RALY: variants seen among roughly 807,000 people sequenced by gnomAD.
The protein encoded by RALY is RNA-binding protein Raly.
Under a neutral mutation model 30.7 loss-of-function variants are expected in RALY, and 15 were observed. The ratio of observed to expected loss-of-function variants is 0.49; its 90% confidence interval spans 0.33 to 0.75. The LOEUF is 0.75. RALY is among the 30% of genes least tolerant of loss of function. The probability of loss-of-function intolerance (pLI) is 0.02; values close to 1 mark genes in which losing one functional copy is unlikely to be tolerated. For missense variants in RALY, 339 were observed against 414.3 expected (o/e 0.82, Z 1.58); for synonymous variants, 177 against 170.8 (o/e 1.04, Z -0.28).
chr20:34,010,305 T>C (rs1225497760), intron 1 of RALY, among the ~76,000 whole-genome samples: 2 of 152,206 alleles, frequency 1.3e-5, no homozygotes, highest in Non-Finnish European at 2.9e-5. Context: ...CTCAGCTCAC[T>C]GCACCCTCTA....
intron 2 of RALY, among the ~76,000 whole-genome samples, chr20:34,055,562 A>C (rs539049243): frequency 1.3e-5 from 2 of 152,186 alleles, no homozygotes; most frequent in Non-Finnish European, 2.9e-5. Flanking sequence ...GGGGATGCCA[A>C]GATGAAATAG....
chr20:34,023,430 A>C (rs1039799353), intron 1 of RALY, among the ~76,000 whole-genome samples: 1 of 152,076 alleles, frequency 6.6e-6, no homozygotes, highest in African/African-American at 2.4e-5. Context: ...TCTATCTGCT[A>C]ATTGTTTCTA....
At position 34,037,693 on chromosome 20, in the gene RALY, T is replaced by C. The variant is rs4911400; in HGVS notation, c.-10+6089T>C. Among the ~76,000 whole-genome samples the C allele has an allele frequency of 6.9e-3, 1,049 of 152,250 alleles. 12 individuals carry two copies. The highest frequency in any genetic ancestry group is 0.057 in the East Asian group (297 of 5,180). On this transcript the variant is annotated intron_variant, in intron 2 of 9. Coordinates refer to ENST00000246194, the MANE Select transcript of RALY (RefSeq NM_016732.3). ...TTCAGATAAGTGCTATATAAAACCA[T>C]TGGATAGTGTACAAATGTACAAGAC...
At chr20:34,075,662 G>A (rs1568698342) in intron 5 of RALY, among the ~76,000 whole-genome samples, 1 of 152,126 alleles carries the variant, frequency 6.6e-6, no homozygotes, top group Non-Finnish European at 1.5e-5. Context: ...CTGGATGGTT[G>A]GAGAGGTTGT....
chr20:34,003,286 T>G (rs2031003584), intron 1 of RALY, among the ~76,000 whole-genome samples: 1 of 152,234 alleles, frequency 6.6e-6, no homozygotes, highest in African/African-American at 2.4e-5. Flanking sequence ...ACACTCCATA[T>G]CTTGCCTTCC....
In RALY at chr20:34,083,725, C is replaced by G. The variant is rs1037664703; in HGVS notation, c.*3820C>G. On this transcript the variant is annotated 3_prime_UTR_variant, in exon 10 of 10. Transcript: ENST00000246194. ...CGTGAGCGTCAGGTATTTGCCATCC[C>G]TGGCCAGGTTGACCCGTAAGGTCAT... The G allele has an allele frequency of 1.3e-5, 2 of 152,260 alleles. No homozygotes were observed. The highest frequency in any genetic ancestry group is 2.9e-5 in the Non-Finnish European group (2 of 68,062). 9.4% of individuals were successfully genotyped at this position (152,260 alleles called of 1,614,324 possible).
In RALY at chr20:34,076,833, C is replaced by A; in HGVS notation, c.658+18C>A. On this transcript the variant is annotated intron_variant, in intron 7 of 9. Coordinates refer to ENST00000246194, the MANE Select transcript of RALY (RefSeq NM_016732.3). ...CAATCCAGGTCAGCCTCTGAGGATT[C>A]TCACCCACCTCCATGACCAGGGCAC... is the stretch of plus-strand genomic sequence containing the variant. 6.2e-7 allele frequency: 1 copy of A among 1,611,654 alleles called. No individual in the cohort carries two copies. The highest frequency in any genetic ancestry group is 2.2e-5 in the East Asian group (1 of 44,764).
intron 2 of RALY, among the ~76,000 whole-genome samples, chr20:34,060,468 A>G (rs904845032): frequency 2.0e-5 from 3 of 152,246 alleles, no homozygotes; most frequent in Non-Finnish European, 4.4e-5. Context: ...TAGCAGCAGG[A>G]GCTAATATAT....
Position 34,072,123 on chromosome 20 carries a change from A to G in RALY, c.49A>G (p.Lys17Glu). The change falls in exon 3 of 10, where the codon AAG becomes GAG. Residue 17 changes from lysine (K) to glutamate (E), a missense_variant. Coordinates refer to ENST00000246194, the MANE Select transcript of RALY (RefSeq NM_016732.3). ...CAATGTAACCAACAAGAATGACCCC[A>G]AGTCCATCAACTCTCGAGTCTTCAT... The part of the protein sequence containing the change: ...ASNVTNKNDP[K>E]SINSRVFIGN... 1 of 1,614,246 alleles carries G rather than the reference A, an allele frequency of 6.2e-7. No homozygotes were observed. Among genetic ancestry groups the G allele is most frequent in the Non-Finnish European group, 8.5e-7 (1 of 1,180,040 alleles).
chr20:34,041,999 G>A (rs965142896), intron 2 of RALY, among the ~76,000 whole-genome samples: 4 of 152,158 alleles, frequency 2.6e-5, no homozygotes, highest in Non-Finnish European at 4.4e-5. Flanking sequence ...CAGCTATTCA[G>A]GAGGCTGAGA....
At chr20:34,060,258 G>A (rs1170990388) in intron 2 of RALY, among the ~76,000 whole-genome samples, 1 of 152,132 alleles carries the variant, frequency 6.6e-6, no homozygotes, top group African/African-American at 2.4e-5. Flanking sequence ...AATAATTGAG[G>A]TTGAGCATCC....
chr20:34,064,045 C>T (rs975726439), intron 2 of RALY, among the ~76,000 whole-genome samples: 1 of 151,884 alleles, frequency 6.6e-6, no homozygotes, highest in Non-Finnish European at 1.5e-5. Context: ...AATACCTGGC[C>T]CATAATTAGC....
chr20:34,042,609 G>A (rs185266370), intron 2 of RALY, among the ~76,000 whole-genome samples: 2 of 152,296 alleles, frequency 1.3e-5, no homozygotes, highest in Non-Finnish European at 2.9e-5. Flanking sequence ...CATGTGTCAG[G>A]TTTTGTTTAA....
At chr20:34,057,625 C>G (rs1227134805) in intron 2 of RALY, among the ~76,000 whole-genome samples, 1 of 147,960 alleles carries the variant, frequency 6.8e-6, no homozygotes, top group African/African-American at 2.5e-5. Context: ...CGAGATGGCG[C>G]CACTGCACTC....
intron 2 of RALY, among the ~76,000 whole-genome samples, chr20:34,068,741 G>A (rs1395478473): frequency 2.0e-5 from 3 of 152,196 alleles, no homozygotes; most frequent in African/African-American, 4.8e-5. Context: ...GAACCTGGCA[G>A]TTCAGGGAGA....
At chr20:34,001,500 T>A (rs1418553093) in intron 1 of RALY, among the ~76,000 whole-genome samples, 1 of 152,198 alleles carries the variant, frequency 6.6e-6, no homozygotes, top group Non-Finnish European at 1.5e-5. Context: ...AGCTTAATGT[T>A]ATTGGCCAGA....
At position 34,038,689 on chromosome 20, in the gene RALY, A is replaced by G. The variant is rs572149566; in HGVS notation, c.-10+7085A>G. On this transcript the variant is annotated intron_variant, in intron 2 of 9. Coordinates refer to ENST00000246194, the MANE Select transcript of RALY (RefSeq NM_016732.3). ...AAGATGAAGTAACTGCATCTTTCCC[A>G]CCATTGTGTGTATTCTTAATACCAA... Among the ~76,000 whole-genome samples, 3 of 152,298 alleles carry G rather than the reference A, an allele frequency of 2.0e-5. No individual in the cohort carries two copies. In the East Asian group the frequency reaches 5.8e-4, roughly 29 times the overall value.
rs1164514749 is a variant in RALY at position 34,017,987 on chromosome 20, G to C, written c.-92-13535G>C. 1.3e-5 allele frequency among the ~76,000 whole-genome samples: 2 copies of C among 152,224 alleles called. 1 individual carries two copies. The highest frequency in any genetic ancestry group is 1.3e-4 in the Admixed American group (2 of 15,290). On this transcript the variant is annotated intron_variant, in intron 1 of 9. Coordinates refer to ENST00000246194, the MANE Select transcript of RALY (RefSeq NM_016732.3). ...AAAGGCATGAATGGGGGTTCTCCTAGGGGATGTAATTATGATCTGTGTTTT... is the reference window on the plus strand; with the variant it reads ...AAAGGCATGAATGGGGGTTCTCCTACGGGATGTAATTATGATCTGTGTTTT...
At chr20:34,001,775 C>CT (rs995870922) in intron 1 of RALY, among the ~76,000 whole-genome samples, 141 of 150,928 alleles carry the variant, frequency 9.3e-4, no homozygotes, top group African/African-American at 2.9e-3. Flanking sequence ...ATGTTGTTTC[C>CT]TTTTTTTTTG....
Sources: gnomAD v4.1 joint callset for allele counts (sites outside exome capture counted in the v4.1 genomes callset) on GRCh38, gnomAD v4.1.1 for gene constraint, MANE v1.5 for transcripts, NCBI Gene and HGNC (gene_info 2026-07-23, HGNC 2026-07-21) for gene names.